Variants in PDE10A observed in about 807,000 individuals in gnomAD.
The protein encoded by PDE10A is cAMP and cAMP-inhibited cGMP 3',5'-cyclic phosphodiesterase 10A.
PDE10A carries 39 observed loss-of-function variants against 97.7 expected under a neutral mutation model. The observed-to-expected ratio is 0.40, with a 90% CI of 0.31 to 0.52. The LOEUF (loss-of-function observed/expected upper bound fraction) is 0.52. Among genes scored for constraint, PDE10A ranks in the 20% least tolerant of loss-of-function variants. The probability of loss-of-function intolerance (pLI) is 0.56; values close to 1 mark genes in which losing one functional copy is unlikely to be tolerated. For synonymous variants in PDE10A, 371 were observed against 376.8 expected (o/e 0.98, Z 0.18); for missense variants, 731 against 1,047.8 (o/e 0.70, Z 4.17).
At chr6:165,616,054 C>T (rs1418324585) in intron 1 of PDE10A, among the ~76,000 whole-genome samples, 1 of 152,188 alleles carries the variant, frequency 6.6e-6, no homozygotes, top group African/African-American at 2.4e-5. Flanking sequence ...CAAGTACTGA[C>T]TTCCCAGTAA....
chr6:165,415,849 A>G (rs117765282), intron 12 of PDE10A, among the ~76,000 whole-genome samples: 5 of 152,320 alleles, frequency 3.3e-5, no homozygotes, highest in Admixed American at 6.5e-5. Context: ...CTTTGAGCAT[A>G]TGATTTGACG....
intron 1 of PDE10A, among the ~76,000 whole-genome samples, chr6:165,756,430 T>C (rs1793119015): frequency 6.6e-6 from 1 of 152,216 alleles, no homozygotes; most frequent in Non-Finnish European, 1.5e-5. Context: ...CTAACCACTG[T>C]TACTATTTTC....
At position 165,702,315 on chromosome 6, in the gene PDE10A, G is replaced by A. The variant is rs140687259; in HGVS notation, c.-614-158747C>T. Among the ~76,000 whole-genome samples the A allele has an allele frequency of 1.4e-4, 21 of 152,268 alleles. No homozygotes were observed. The East Asian group carries it at 2.9e-3, about 21-fold the overall frequency. On this transcript the variant is annotated intron_variant, in intron 1 of 19. Coordinates refer to the PDE10A transcript ENST00000366882. ...TCTCCATTTCCTTCTCATACTGACC[G>A]CTGTAACTTACAACAGAGCCAGACC...
intron 1 of PDE10A, among the ~76,000 whole-genome samples, chr6:165,952,832 C>T (rs912174794): frequency 1.8e-4 from 27 of 147,708 alleles, no homozygotes; most frequent in African/African-American, 6.5e-4. Flanking sequence ...CAGATATCTC[C>T]TCAGCCACTT....
At chr6:165,436,205 A>T (rs1373980910) in intron 5 of PDE10A, among the ~76,000 whole-genome samples, 1 of 152,164 alleles carries the variant, frequency 6.6e-6, no homozygotes, top group African/African-American at 2.4e-5. Flanking sequence ...TTTTTATCTT[A>T]TGTTGGATTA....
intron 1 of PDE10A, among the ~76,000 whole-genome samples, chr6:165,692,079 C>T (rs189934001): frequency 4.5e-4 from 69 of 152,238 alleles, no homozygotes; most frequent in Admixed American, 2.2e-3. Flanking sequence ...TTAAAAGTAC[C>T]TAATTAGTCA....
intron 1 of PDE10A, among the ~76,000 whole-genome samples, chr6:165,654,047 C>T (rs1188475542): frequency 1.3e-5 from 2 of 152,200 alleles, no homozygotes; most frequent in Non-Finnish European, 2.9e-5. Flanking sequence ...GATACCACCC[C>T]AATTGGACTC....
chr6:165,926,810 T>C (rs539159235), intron 1 of PDE10A, among the ~76,000 whole-genome samples: 1 of 152,370 alleles, frequency 6.6e-6, no homozygotes, highest in South Asian at 2.1e-4. Context: ...TTCTGTTTTA[T>C]AATGAAGATG....
intron 19 of PDE10A, among the ~76,000 whole-genome samples, chr6:165,339,879 A>G (rs953439528): frequency 1.3e-5 from 2 of 152,256 alleles, no homozygotes; most frequent in Non-Finnish European, 2.9e-5. Context: ...AAGATTAACT[A>G]TGTTAGTTAC....
chr6:165,644,012 C>T (rs368788093), intron 1 of PDE10A, among the ~76,000 whole-genome samples: 22 of 152,208 alleles, frequency 1.4e-4, no homozygotes, highest in African/African-American at 4.8e-4. Flanking sequence ...CTGAAAAGTA[C>T]GACTGGCAGA....
At chr6:165,541,437 A>G (rs1241086600) in intron 2 of PDE10A, among the ~76,000 whole-genome samples, 1 of 152,244 alleles carries the variant, frequency 6.6e-6, no homozygotes, top group Non-Finnish European at 1.5e-5. Flanking sequence ...TGATTAATAT[A>G]GAAAACAAAG....
Position 165,844,921 on chromosome 6 carries a change from G to A in PDE10A, c.-615+142608C>T, listed in dbSNP as rs117095130. Among the ~76,000 whole-genome samples, 156 of 152,260 alleles carry A rather than the reference G, an allele frequency of 1.0e-3. 3 individuals are homozygous for A. In the East Asian group the frequency reaches 0.025, roughly 25 times the overall value. ...TCCTTTCAAAAGAAACACAAAAGGC[G>A]ATTCTTATTAACCCTTGGACACACT... On this transcript the variant is annotated intron_variant, in intron 1 of 19. Coordinates refer to the PDE10A transcript ENST00000366882.
chr6:165,717,583 C>CAAAA (rs34254822), intron 1 of PDE10A, among the ~76,000 whole-genome samples: 3 of 146,600 alleles, frequency 2.0e-5, no homozygotes, highest in Non-Finnish European at 3.0e-5. Context: ...GACTCCGTCT[C>CAAAA]AAAAAAAAAA....
intron 1 of PDE10A, among the ~76,000 whole-genome samples, chr6:165,856,958 C>T (rs1001876786): frequency 1.8e-4 from 28 of 152,164 alleles, no homozygotes; most frequent in African/African-American, 6.8e-4. Flanking sequence ...ATCACACTCA[C>T]AATTCAAAAT....
chr6:165,391,426 T>C (rs1021207832), intron 16 of PDE10A, among the ~76,000 whole-genome samples: 1 of 152,196 alleles, frequency 6.6e-6, no homozygotes, highest in Non-Finnish European at 1.5e-5. Context: ...GAAAGTATAA[T>C]TTCTACAGTT....
chr6:165,648,591 C>T (rs769613567), intron 1 of PDE10A, among the ~76,000 whole-genome samples: 4 of 152,056 alleles, frequency 2.6e-5, no homozygotes, highest in Non-Finnish European at 5.9e-5. Context: ...CAGACTGCAA[C>T]CCAGATACAA....
At chr6:165,935,758 A>T (rs1783304577) in intron 1 of PDE10A, among the ~76,000 whole-genome samples, 1 of 152,184 alleles carries the variant, frequency 6.6e-6, no homozygotes, top group African/African-American at 2.4e-5. Flanking sequence ...GGGGTGTGTT[A>T]GTGATTTTGG....
chr6:165,668,427 T>C (rs1429081603), intron 1 of PDE10A, among the ~76,000 whole-genome samples: 2 of 152,236 alleles, frequency 1.3e-5, no homozygotes, highest in Non-Finnish European at 2.9e-5. Context: ...ATGTGTATTG[T>C]TCATGTTGCT....
intron 2 of PDE10A, among the ~76,000 whole-genome samples, chr6:165,484,594 A>G (rs575755826): frequency 1.3e-5 from 2 of 152,290 alleles, no homozygotes; most frequent in African/African-American, 4.8e-5. Context: ...GCAAATACAG[A>G]TTAACATTAG....
Sources: allele counts gnomAD v4.1 joint callset (sites outside exome capture counted in the v4.1 genomes callset), GRCh38; gene constraint gnomAD v4.1.1; transcripts MANE v1.5; gene names NCBI Gene and HGNC (gene_info 2026-07-23, HGNC 2026-07-21).